The following SKIC3 variants were observed in gnomAD, a reference collection of about 807,000 sequenced individuals.
SKIC3 encodes superkiller complex protein 3.
chr5:95,543,215 T>G, the SKIC3 span: 1 of 1,614,104 alleles, frequency 6.2e-7, no homozygotes, highest in South Asian at 1.1e-5. Context: ...TGGCTCTAAT[T>G]CAGCAGCTTT....
chr5:95,537,540 C>G, the SKIC3 span, among the ~76,000 whole-genome samples: 254 of 152,258 alleles, frequency 1.7e-3, no homozygotes, highest in African/African-American at 5.9e-3. Context: ...GATAGCAAAT[C>G]TTCAACCTTT....
chr5:95,509,578 A>G, the SKIC3 span: 4 of 1,580,220 alleles, frequency 2.5e-6, no homozygotes, highest in African/African-American at 2.7e-5. Context: ...ATCTATCACA[A>G]TTAAATGTAG....
the SKIC3 span, among the ~76,000 whole-genome samples, chr5:95,470,735 G>T: frequency 6.6e-6 from 1 of 151,896 alleles, no homozygotes; most frequent in Admixed American, 6.6e-5. Context: ...TTACTTTATG[G>T]CTAAGATATT....
the SKIC3 span, among the ~76,000 whole-genome samples, chr5:95,534,052 A>T: frequency 3.3e-5 from 5 of 152,192 alleles, no homozygotes; most frequent in Non-Finnish European, 5.9e-5. Context: ...AACACCAGCC[A>T]TTAATTTTTC....
At chr5:95,544,508 G>T in the SKIC3 span, among the ~76,000 whole-genome samples, 1 of 152,112 alleles carries the variant, frequency 6.6e-6, no homozygotes, top group South Asian at 2.1e-4. Context: ...GCCTGTGTGT[G>T]TATGCCCCAA....
chr5:95,486,284 G>A, the SKIC3 span, among the ~76,000 whole-genome samples: 1 of 152,178 alleles, frequency 6.6e-6, no homozygotes. Flanking sequence ...GAGCTGAGGT[G>A]AGAGCCACTG....
chr5:95,482,213 C>T, the SKIC3 span, among the ~76,000 whole-genome samples: 1 of 152,136 alleles, frequency 6.6e-6, no homozygotes, highest in African/African-American at 2.4e-5. Context: ...ATATAAAAGA[C>T]AGTATTTTCA....
chr5:95,465,476 T>C, the SKIC3 span, among the ~76,000 whole-genome samples: 5 of 152,192 alleles, frequency 3.3e-5, no homozygotes, highest in Admixed American at 3.3e-4. Flanking sequence ...TGATCCTTCA[T>C]ACTAAAACAT....
At chr5:95,542,510 T>C in the SKIC3 span, among the ~76,000 whole-genome samples, 1 of 152,110 alleles carries the variant, frequency 6.6e-6, no homozygotes, top group East Asian at 1.9e-4. Context: ...AAAAATCAAG[T>C]AGTCTGTGAA....
At chr5:95,505,439 C>T in the SKIC3 span, among the ~76,000 whole-genome samples, 6 of 152,096 alleles carry the variant, frequency 3.9e-5, no homozygotes, top group South Asian at 2.1e-4. Context: ...CTAAGATGTG[C>T]GTGCTTTTGT....
chr5:95,484,594 A>G, the SKIC3 span: 3 of 1,294,378 alleles, frequency 2.3e-6, no homozygotes, highest in Non-Finnish European at 3.3e-6. Context: ...TGATCCTCCC[A>G]TCTCAGTCTC....
chr5:95,502,809 G>C, the SKIC3 span: 1 of 1,592,298 alleles, frequency 6.3e-7, no homozygotes, highest in Admixed American at 1.7e-5. Context: ...AAGAACTTAC[G>C]CTTTCTCCAA....
the SKIC3 span, among the ~76,000 whole-genome samples, chr5:95,505,084 G>C: frequency 6.6e-6 from 1 of 151,998 alleles, no homozygotes; most frequent in African/African-American, 2.4e-5. Context: ...AAAATAACTT[G>C]TTTTTGCCTA....
At chr5:95,540,303 G>A in the SKIC3 span, among the ~76,000 whole-genome samples, 2 of 152,042 alleles carry the variant, frequency 1.3e-5, no homozygotes, top group Non-Finnish European at 2.9e-5. Flanking sequence ...AATGGACTTC[G>A]GGGACTTGGG....
chr5:95,541,620 C>G, the SKIC3 span, among the ~76,000 whole-genome samples: 1 of 151,430 alleles, frequency 6.6e-6, no homozygotes. Context: ...TGTCAAAGTT[C>G]CAAAATTAGT....
the SKIC3 span, chr5:95,543,255 G>T: frequency 1.9e-6 from 3 of 1,614,032 alleles, no homozygotes; most frequent in Non-Finnish European, 1.7e-6. Flanking sequence ...TGATCAGGTT[G>T]TTCTAGTTCA....
At chr5:95,502,900 G>A in the SKIC3 span, 1 of 1,613,788 alleles carries the variant, frequency 6.2e-7, no homozygotes, top group East Asian at 2.2e-5. Context: ...GCAATGTCTT[G>A]GCTACATCCG....
the SKIC3 span, chr5:95,516,358 T>G: frequency 6.2e-7 from 1 of 1,613,038 alleles, no homozygotes; most frequent in Admixed American, 1.7e-5. Context: ...TTTACCTCAA[T>G]GTTTTCATTT....
At chr5:95,522,269 T>C in the SKIC3 span, 15 of 1,613,586 alleles carry the variant, frequency 9.3e-6, no homozygotes, top group South Asian at 4.4e-5. Flanking sequence ...TTCCCAACAA[T>C]TGAAGTCCTT....
Sources: allele counts gnomAD v4.1 joint callset (sites outside exome capture counted in the v4.1 genomes callset), GRCh38; gene constraint gnomAD v4.1.1; transcripts MANE v1.5; gene names NCBI Gene and HGNC (gene_info 2026-07-23, HGNC 2026-07-21).